The following MAOB variants were observed in gnomAD, a reference collection of about 807,000 sequenced individuals.
The protein encoded by MAOB is amine oxidase [flavin-containing] B.
MAOB carries 15 observed loss-of-function variants against 41.9 expected under a neutral mutation model. That is an observed-to-expected ratio of 0.36 (90% CI 0.24 to 0.55). The LOEUF (loss-of-function observed/expected upper bound fraction) is 0.55, where lower values mean the gene tolerates loss of function less well. MAOB is among the 20% of genes least tolerant of loss of function. The pLI, the probability that MAOB is intolerant of heterozygous loss-of-function variation, is 0.86. For synonymous variants in MAOB, 167 were observed against 144.2 expected (o/e 1.16, Z -1.13); for missense variants, 345 against 398.7 (o/e 0.87, Z 1.15).
Position 43,781,477 on chromosome X carries a change from T to A in MAOB, c.996A>T (p.Lys332Asn). Reference protein sequence around the residue: ...APVAYTLDDTKPEGNYAAIMG... With the variant: ...APVAYTLDDTNPEGNYAAIMG... Reference sequence around the variant, plus strand: ...TTATGGCAGCATAGTTGCCTTCAGGTTTGGTATCATCCAACGTGTAGGCAA... The same window carrying A: ...TTATGGCAGCATAGTTGCCTTCAGGATTGGTATCATCCAACGTGTAGGCAA... The change falls in exon 9 of 15, where the codon AAA becomes AAT. Residue 332 changes from lysine to asparagine, a missense_variant. Physicochemically the swap from Lys to Asn is moderately conservative, Grantham distance 94 (BLOSUM62 0). Transcript: ENST00000378069. 1 of 1,199,152 alleles carries A rather than the reference T, an allele frequency of 8.3e-7. No homozygotes were observed. The highest frequency in any genetic ancestry group is 1.1e-6 in the Non-Finnish European group (1 of 888,042).
intron 8 of MAOB, among the ~76,000 whole-genome samples, chrX:43,790,695 T>C (rs7888857): frequency 0.02 from 2,187 of 110,485 alleles, 61 homozygotes; most frequent in South Asian, 0.18. Context: ...AATCCTCCAG[T>C]CTCAGCCTCC....
At chrX:43,782,935 T>G (rs927250931) in intron 8 of MAOB, among the ~76,000 whole-genome samples, 1 of 111,702 alleles carries the variant, frequency 9.0e-6, no homozygotes, top group African/African-American at 3.3e-5. Flanking sequence ...TCGATAAAAC[T>G]CAACAGCCCT....
chrX:43,779,955 C>T (rs1454215076), intron 10 of MAOB, among the ~76,000 whole-genome samples: 1 of 111,680 alleles, frequency 9.0e-6, no homozygotes, highest in Non-Finnish European at 1.9e-5. Context: ...GTACAGCAGA[C>T]TTCCCCACAA....
intron 1 of MAOB, among the ~76,000 whole-genome samples, chrX:43,875,989 C>T (rs1239004100): frequency 1.8e-5 from 2 of 111,110 alleles, no homozygotes; most frequent in African/African-American, 6.5e-5. Context: ...GACAGAGTCT[C>T]ACTCTGTCTC....
chrX:43,853,216 C>A (rs1458546154), intron 1 of MAOB, among the ~76,000 whole-genome samples: 1 of 97,218 alleles, frequency 1.0e-5, no homozygotes, highest in African/African-American at 3.9e-5. Context: ...TGCAATGAGC[C>A]GAGATCGCAC....
intron 3 of MAOB, among the ~76,000 whole-genome samples, chrX:43,812,027 C>A (rs2034753527): frequency 1.8e-5 from 2 of 111,634 alleles, no homozygotes; most frequent in African/African-American, 6.5e-5. Flanking sequence ...TAAGCATCCT[C>A]TACTCTCTAT....
At chrX:43,853,835 G>A (rs1226794704) in intron 1 of MAOB, among the ~76,000 whole-genome samples, 1 of 111,652 alleles carries the variant, frequency 9.0e-6, no homozygotes. Context: ...ATCCCTAGAA[G>A]GAACCAACTC....
rs924589912 is a variant in MAOB at position 43,795,775 on chromosome X, A to G, written c.732T>C (p.Asn244=). 1 of 1,208,721 alleles carries G rather than the reference A, an allele frequency of 8.3e-7. No homozygotes were observed. The highest frequency in any genetic ancestry group is 1.1e-6 in the Non-Finnish European group (1 of 894,371). Residue 244 remains asparagine, a synonymous_variant, in exon 7 of 15, where the codon AAT becomes AAC. Transcript: ENST00000378069. The part of the protein sequence containing the change: ...PVIYIDQTRE[N]VLVETLNHEM... ...CATGGTTTAGGGTCTCCACAAGGAC[A>G]TTTTCTCTTGTCTGGTCAATGTAGA...
intron 1 of MAOB, among the ~76,000 whole-genome samples, chrX:43,871,144 T>C (rs1475647193): frequency 9.0e-6 from 1 of 111,102 alleles, no homozygotes; most frequent in Non-Finnish European, 1.9e-5. Context: ...CCTTTCAGAG[T>C]TATCCTGGAT....
chrX:43,769,488 C>T (rs1601959860), intron 12 of MAOB, 70 bp from the exon 13 acceptor site: 3 of 1,123,132 alleles, frequency 2.7e-6, no homozygotes, highest in East Asian at 6.5e-5. Context: ...CCCATAAAGA[C>T]CAATGCTGGT....
chrX:43,879,458 G>T (rs781227313), intron 1 of MAOB, among the ~76,000 whole-genome samples: 1 of 111,420 alleles, frequency 9.0e-6, no homozygotes, highest in Non-Finnish European at 1.9e-5. Flanking sequence ...CTACTAATTC[G>T]AAAATTCTAC....
chrX:43,865,956 G>T (rs1249825180), intron 1 of MAOB, among the ~76,000 whole-genome samples: 1 of 110,781 alleles, frequency 9.0e-6, no homozygotes, highest in African/African-American at 3.3e-5. Flanking sequence ...CGTGACAGAA[G>T]CAGGTACAAA....
rs771283247 is a variant in MAOB at position 43,815,294 on chromosome X, A to G, written c.280-11890T>C. Among the ~76,000 whole-genome samples the G allele has an allele frequency of 6.2e-5, 7 of 112,298 alleles. No homozygotes were observed. The South Asian group carries it at 2.6e-3, about 42-fold the overall frequency. On this transcript the variant is annotated intron_variant, in intron 3 of 14. Coordinates refer to ENST00000378069, the MANE Select transcript of MAOB (RefSeq NM_000898.5). Reference sequence around the variant, plus strand: ...ATCAAATAGCACAGGCATCTAAAGTATCTCAATAAATATCATCCCTTTATT... The same window carrying G: ...ATCAAATAGCACAGGCATCTAAAGTGTCTCAATAAATATCATCCCTTTATT...
intron 1 of MAOB, among the ~76,000 whole-genome samples, chrX:43,851,568 A>G (rs1357925682): frequency 8.9e-6 from 1 of 111,912 alleles, no homozygotes; most frequent in Non-Finnish European, 1.9e-5. Flanking sequence ...CGGATTACCA[A>G]CACAATTTTT....
At chrX:43,796,879 G>A (rs780202751) in intron 6 of MAOB, among the ~76,000 whole-genome samples, 25 of 111,861 alleles carry the variant, frequency 2.2e-4, no homozygotes, top group South Asian at 3.7e-4. Flanking sequence ...ATAATTGAGC[G>A]TATGGAAAAT....
chrX:43,853,495 A>C (rs2035268518), intron 1 of MAOB, among the ~76,000 whole-genome samples: 1 of 111,071 alleles, frequency 9.0e-6, no homozygotes, highest in African/African-American at 3.3e-5. Flanking sequence ...AAATTTGGGT[A>C]GCATGGTGTT....
intron 1 of MAOB, among the ~76,000 whole-genome samples, chrX:43,858,779 T>C (rs1171078786): frequency 9.0e-6 from 1 of 111,615 alleles, no homozygotes; most frequent in Non-Finnish European, 1.9e-5. Context: ...TTCACTCAGA[T>C]TATTTTTGGA....
chrX:43,861,920 C>T (rs190833429), intron 1 of MAOB, among the ~76,000 whole-genome samples: 108 of 109,862 alleles, frequency 9.8e-4, no homozygotes, highest in African/African-American at 3.1e-3. Context: ...ACTCTCTGTA[C>T]TCTCAAGCTG....
intron 4 of MAOB, among the ~76,000 whole-genome samples, chrX:43,802,763 A>C (rs1396927611): frequency 9.5e-6 from 1 of 105,164 alleles, no homozygotes; most frequent in East Asian, 3.1e-4. Flanking sequence ...GGAACATCAC[A>C]CACTAGGGCC....
Sources: gnomAD v4.1 joint callset for allele counts (sites outside exome capture counted in the v4.1 genomes callset) on GRCh38, gnomAD v4.1.1 for gene constraint, MANE v1.5 for transcripts, NCBI Gene and HGNC (gene_info 2026-07-23, HGNC 2026-07-21) for gene names.